The following LRFN2 variants were observed in gnomAD, a reference collection of about 807,000 sequenced individuals.
LRFN2 encodes leucine rich repeat and fibronectin type III domain containing 2.
LRFN2 carries 18 observed loss-of-function variants against 37.3 expected under a neutral mutation model. The ratio of observed to expected loss-of-function variants is 0.48; its 90% CI spans 0.33 to 0.72. The LOEUF (loss-of-function observed/expected upper bound fraction) is 0.72, where lower values mean the gene tolerates loss of function less well. Ranked by LOEUF, LRFN2 falls within the 30% of genes least tolerant of loss-of-function variation. The pLI is 0.02. For synonymous variants in LRFN2, 556 were observed against 466.6 expected (o/e 1.19, Z -2.47); for missense variants, 1,006 against 1,060.7 (o/e 0.95, Z 0.72).
chr6:40,435,781 G>C (rs138805119), intron 1 of LRFN2, among the ~76,000 whole-genome samples: 1 of 152,022 alleles, frequency 6.6e-6, no homozygotes, highest in African/African-American at 2.4e-5. Context: ...CTTGTGATCC[G>C]CCCGTCTTGG....
At chr6:40,419,258 C>T (rs1300842472) in intron 2 of LRFN2, among the ~76,000 whole-genome samples, 1 of 152,190 alleles carries the variant, frequency 6.6e-6, no homozygotes, top group African/African-American at 2.4e-5. Flanking sequence ...CTGCACCTTG[C>T]CTTTGGGCTT....
intron 1 of LRFN2, among the ~76,000 whole-genome samples, chr6:40,468,060 G>A (rs1764512021): frequency 6.6e-6 from 1 of 151,706 alleles, no homozygotes; most frequent in African/African-American, 2.4e-5. Context: ...TATTCACCCA[G>A]GACGGGGGTT....
At position 40,545,318 on chromosome 6, in the gene LRFN2, A is replaced by T. The variant is rs113456049; in HGVS notation, c.-19+41623T>A. Among the ~76,000 whole-genome samples, 588 of 152,278 alleles carry T rather than the reference A, an allele frequency of 3.9e-3. 7 individuals carry two copies. The highest frequency in any genetic ancestry group is 0.013 in the African/African-American group (550 of 41,566). ...CTCCTGGGTCCCTGGACACAGAATG[A>T]AGGTGGTGTGGTTGGGCTGGGCAGG... On this transcript the variant is annotated intron_variant, in intron 1 of 2. Coordinates refer to ENST00000338305, the MANE Select transcript of LRFN2 (RefSeq NM_020737.3).
Position 40,392,400 on chromosome 6 carries a change from G to A in LRFN2, c.1913C>T (p.Ala638Val), listed in dbSNP as rs1762526525. Residue 638 changes from alanine (A) to valine (V), a missense_variant, in exon 3 of 3, where the codon GCC becomes GTC. Physicochemically the swap from Ala to Val is moderately conservative, Grantham distance 64. Coordinates refer to ENST00000338305, the MANE Select transcript of LRFN2 (RefSeq NM_020737.3). The surrounding 1 kb of genome is among the most constrained non-coding windows in gnomAD (Gnocchi z 4.7). ...GGCGGAGGGTGGGATCCTCCAGGGGGCCCGTCCCAGCCCCGCAGCCTCCCC... is the reference window on the plus strand; with the variant it reads ...GGCGGAGGGTGGGATCCTCCAGGGGACCCGTCCCAGCCCCGCAGCCTCCCC... ...GSGEAAGLGR[A>V]PWRIPPSAPR... 6.4e-7 allele frequency: 1 copy of A among 1,573,014 alleles called. No homozygotes were observed. Among genetic ancestry groups the A allele is most frequent in the Non-Finnish European group, 8.6e-7 (1 of 1,159,514 alleles).
intron 1 of LRFN2, among the ~76,000 whole-genome samples, chr6:40,554,791 A>G (rs1241575694): frequency 6.6e-6 from 1 of 151,880 alleles, no homozygotes; most frequent in African/African-American, 2.4e-5. Context: ...CCTGACTTTC[A>G]ACTACCTATC....
Position 40,431,873 on chromosome 6 carries a change from C to A in LRFN2, c.1241G>T (p.Gly414Val). 1 of 1,602,538 alleles carries A rather than the reference C, an allele frequency of 6.2e-7. No individual in the cohort carries two copies. Among genetic ancestry groups the A allele is most frequent in the Non-Finnish European group, 8.5e-7 (1 of 1,173,070 alleles). Residue 414 changes from glycine (G) to valine (V), a missense_variant, in exon 2 of 3, where the codon GGC (glycine) becomes GTC (valine). Gly to Val is a moderately radical substitution (Grantham distance 109). Around this residue, in one of 4 missense-constraint regions of LRFN2, gnomAD observed 303 missense variants for 299.8 expected, o/e 1.01. Coordinates refer to ENST00000338305, the MANE Select transcript of LRFN2 (RefSeq NM_020737.3). ...KTSRGGGGSG[G>V]GEPPKSPPER... ...CGGGGGGCTTTTGGGAGGCTCTCCG[C>A]CCCCACTGCCTCCACCTCCCCGGCT...
intron 1 of LRFN2, among the ~76,000 whole-genome samples, chr6:40,510,395 T>A (rs1273836779): frequency 6.6e-6 from 1 of 152,212 alleles, no homozygotes; most frequent in Non-Finnish European, 1.5e-5. Context: ...GCCTCCCTGG[T>A]CATCTGAAGT....
chr6:40,537,756 G>A (rs1472354525), intron 1 of LRFN2, among the ~76,000 whole-genome samples: 1 of 152,108 alleles, frequency 6.6e-6, no homozygotes, highest in African/African-American at 2.4e-5. Context: ...TGTCCAGTTA[G>A]GGACTAAGGG....
chr6:40,519,756 G>GTGCCT (rs1765998017), intron 1 of LRFN2, among the ~76,000 whole-genome samples: 2 of 152,228 alleles, frequency 1.3e-5, no homozygotes, highest in Admixed American at 1.3e-4. Flanking sequence ...TGTGTAAAAG[G>GTGCCT]TGCCCTGATA....
chr6:40,421,604 G>C (rs1009924073), intron 2 of LRFN2, among the ~76,000 whole-genome samples: 2 of 152,162 alleles, frequency 1.3e-5, no homozygotes, highest in Non-Finnish European at 2.9e-5. Flanking sequence ...GCAGGATTCA[G>C]AGAAAATAGA....
intron 1 of LRFN2, among the ~76,000 whole-genome samples, chr6:40,539,017 T>C (rs991771972): frequency 6.6e-6 from 1 of 152,178 alleles, no homozygotes; most frequent in Non-Finnish European, 1.5e-5. Flanking sequence ...CTGGGCTGTG[T>C]CCAGGTTCCT....
intron 1 of LRFN2, among the ~76,000 whole-genome samples, chr6:40,512,480 C>T (rs144912207): frequency 1.4e-3 from 206 of 152,318 alleles, no homozygotes; most frequent in African/African-American, 4.4e-3. Flanking sequence ...CTGTAGCACA[C>T]ACCTATTTCA....
At chr6:40,577,106 T>TCTCTTCTCTTC (rs1441848756) in intron 1 of LRFN2, among the ~76,000 whole-genome samples, 1 of 137,918 alleles carries the variant, frequency 7.3e-6, no homozygotes, top group Non-Finnish European at 1.6e-5. Flanking sequence ...TTCTTTTCCT[T>TCTCTTCTCTTC]TCTTTTCTTT....
chr6:40,415,350 C>T (rs1395897995), intron 2 of LRFN2, among the ~76,000 whole-genome samples: 1 of 152,112 alleles, frequency 6.6e-6, no homozygotes, highest in Non-Finnish European at 1.5e-5. Flanking sequence ...CTCAGCCCCC[C>T]AAGTACCTGG....
At chr6:40,574,081 T>A (rs970182028) in intron 1 of LRFN2, among the ~76,000 whole-genome samples, 2 of 152,228 alleles carry the variant, frequency 1.3e-5, no homozygotes, top group African/African-American at 4.8e-5. Flanking sequence ...CTCATTGATA[T>A]TTTGAGCTTC....
chr6:40,421,363 C>T (rs1462714402), intron 2 of LRFN2, among the ~76,000 whole-genome samples: 1 of 152,168 alleles, frequency 6.6e-6, no homozygotes, highest in Non-Finnish European at 1.5e-5. Context: ...AGTCTGGGTG[C>T]AGCTTGCTTT....
At chr6:40,433,991 C>T (rs769508024) in intron 1 of LRFN2, among the ~76,000 whole-genome samples, 13 of 152,194 alleles carry the variant, frequency 8.5e-5, no homozygotes, top group Non-Finnish European at 1.6e-4. Context: ...TCACAAGTTA[C>T]CTTCTCCCAG....
At chr6:40,525,183 CA>C (rs1766215574) in intron 1 of LRFN2, among the ~76,000 whole-genome samples, 1 of 152,192 alleles carries the variant, frequency 6.6e-6, no homozygotes, top group Non-Finnish European at 1.5e-5. Context: ...CTGGTGATTC[CA>C]GGAGGGGAGC....
At chr6:40,563,422 A>T (rs545314897) in intron 1 of LRFN2, among the ~76,000 whole-genome samples, 20 of 152,246 alleles carry the variant, frequency 1.3e-4, no homozygotes, top group Non-Finnish European at 2.4e-4. Flanking sequence ...AGGCACAGGG[A>T]GCAGCAGCTG....
Sources: allele counts gnomAD v4.1 joint callset (sites outside exome capture counted in the v4.1 genomes callset), GRCh38; gene constraint gnomAD v4.1.1; regional missense constraint gnomAD v4.1.1; non-coding constraint Gnocchi (gnomAD v3.1); transcripts MANE v1.5; gene names NCBI Gene and HGNC (gene_info 2026-07-23, HGNC 2026-07-21).